SHTN1: variants seen among roughly 807,000 people sequenced by gnomAD.
SHTN1 encodes shootin-1.
In SHTN1, 42 loss-of-function variants were observed where a neutral mutation model predicts 83.1. The observed-to-expected ratio is 0.51, with a 90% CI of 0.39 to 0.65. The LOEUF (loss-of-function observed/expected upper bound fraction) is 0.65. Among genes scored for constraint, SHTN1 ranks in the 30% least tolerant of loss-of-function variants. The pLI is 0.00. For missense variants in SHTN1, 622 were observed against 737.8 expected (o/e 0.84, Z 1.82); for synonymous variants, 224 against 247.7 (o/e 0.90, Z 0.90).
intron 1 of SHTN1, among the ~76,000 whole-genome samples, chr10:117,067,719 G>A (rs1853023168): frequency 6.6e-6 from 1 of 152,166 alleles, no homozygotes; most frequent in South Asian, 2.1e-4. Flanking sequence ...GGAGGTTGTT[G>A]CAGCAATCCA....
rs114521932 is a variant in SHTN1 at position 117,064,264 on chromosome 10, C to T, written c.-188-15754G>A. On this transcript the variant is annotated intron_variant, in intron 1 of 17. Transcript: ENST00000392901. The stretch of plus-strand genomic sequence containing the variant: ...CTGTGATATTGAGACTATCCTTGGG[C>T]TACATTTGCAAAGGTTACAAGGAAC... 2.8e-3 allele frequency among the ~76,000 whole-genome samples: 430 copies of T among 152,316 alleles called. 1 individual carries two copies. Among genetic ancestry groups the T allele is most frequent in the African/African-American group, 9.9e-3 (411 of 41,576 alleles).
At chr10:117,019,540 T>C (rs1370982967) in intron 2 of SHTN1, among the ~76,000 whole-genome samples, 2 of 152,092 alleles carry the variant, frequency 1.3e-5, no homozygotes, top group Non-Finnish European at 1.5e-5. Context: ...TATCTATATA[T>C]TGAAAAAGAA....
At chr10:117,017,123 G>A (rs1377837894) in intron 2 of SHTN1, among the ~76,000 whole-genome samples, 49 of 152,152 alleles carry the variant, frequency 3.2e-4, no homozygotes, top group Non-Finnish European at 4.4e-5. Context: ...AAAAGATGTA[G>A]GGCATGTCAA....
intron 1 of SHTN1, among the ~76,000 whole-genome samples, chr10:117,119,193 G>A (rs992235828): frequency 4.6e-5 from 7 of 152,086 alleles, no homozygotes; most frequent in Non-Finnish European, 7.4e-5. Context: ...GGGAGGGAAG[G>A]ATAAAGAGAA....
intron 14 of SHTN1, among the ~76,000 whole-genome samples, chr10:116,911,337 T>C (rs922802081): frequency 1.3e-5 from 2 of 152,248 alleles, no homozygotes; most frequent in Non-Finnish European, 2.9e-5. Flanking sequence ...AATAATTGTT[T>C]CGACTGTGAG....
chr10:116,969,339 G>A (rs1850517119), intron 2 of SHTN1, among the ~76,000 whole-genome samples: 1 of 152,152 alleles, frequency 6.6e-6, no homozygotes, highest in South Asian at 2.1e-4. Context: ...TACTCGGGAG[G>A]CTGAGGCAGG....
chr10:116,962,772 T>C (rs1850227854), intron 3 of SHTN1, among the ~76,000 whole-genome samples: 1 of 152,216 alleles, frequency 6.6e-6, no homozygotes, highest in Admixed American at 6.5e-5. Context: ...GTGGGGTTTT[T>C]ATTTCTTCTC....
intron 1 of SHTN1, among the ~76,000 whole-genome samples, chr10:117,066,079 A>G (rs1852996779): frequency 2.0e-5 from 3 of 152,080 alleles, no homozygotes; most frequent in Admixed American, 6.5e-5. Context: ...AAAAGAAAAG[A>G]AAAGGAAAAG....
intron 1 of SHTN1, among the ~76,000 whole-genome samples, chr10:117,077,564 C>T (rs972760996): frequency 4.6e-5 from 7 of 151,870 alleles, no homozygotes; most frequent in African/African-American, 1.7e-4. Context: ...TGCCATGTTG[C>T]TGTGCTGCAC....
In SHTN1 at chr10:116,968,821, A is replaced by G. The variant is rs1435985415; in HGVS notation, c.112-109T>C. 158 of 803,836 alleles carry G rather than the reference A, an allele frequency of 2.0e-4. No individual in the cohort carries two copies. The East Asian group carries it at 3.9e-3, about 20-fold the overall frequency. 49.8% of individuals were successfully genotyped at this position (803,836 alleles called of 1,614,324 possible). ...AACAGCAATTTTCTGAAAACAAAAC[A>G]AAATTTAAAACCTTTGAAAAGCATC... On this transcript the variant is annotated intron_variant, in intron 2 of 16. Transcript: ENST00000355371.
At chr10:116,900,575 C>T (rs1847695145) in intron 16 of SHTN1, 1 of 1,534,000 alleles carries the variant, frequency 6.5e-7, no homozygotes. Context: ...AATCTATACA[C>T]ACACACTGAA....
intron 2 of SHTN1, among the ~76,000 whole-genome samples, chr10:117,019,248 A>T (rs1852227676): frequency 6.6e-6 from 1 of 152,058 alleles, no homozygotes; most frequent in African/African-American, 2.4e-5. Flanking sequence ...CTCTGGTGCA[A>T]ACACAGCTCA....
At chr10:116,981,762 T>C (rs550593917) in intron 1 of SHTN1, among the ~76,000 whole-genome samples, 25 of 152,290 alleles carry the variant, frequency 1.6e-4, no homozygotes, top group African/African-American at 5.8e-4. Flanking sequence ...TAAAGGCTTA[T>C]AAAACCATGA....
At chr10:117,093,512 C>A (rs1233335858) in intron 1 of SHTN1, among the ~76,000 whole-genome samples, 2 of 152,148 alleles carry the variant, frequency 1.3e-5, no homozygotes, top group Non-Finnish European at 2.9e-5. Context: ...AAGATCTTGT[C>A]TCAAAAACAC....
At chr10:116,950,739 G>A (rs1053397145) in intron 6 of SHTN1, among the ~76,000 whole-genome samples, 1 of 152,134 alleles carries the variant, frequency 6.6e-6, no homozygotes, top group Non-Finnish European at 1.5e-5. Context: ...GGTACACATT[G>A]TCCAACGGTA....
intron 16 of SHTN1, among the ~76,000 whole-genome samples, chr10:116,888,016 T>G (rs1847218876): frequency 6.6e-6 from 1 of 152,194 alleles, no homozygotes; most frequent in African/African-American, 2.4e-5. Context: ...GTAAGATCTG[T>G]CCAAATGTTT....
intron 1 of SHTN1, among the ~76,000 whole-genome samples, chr10:117,100,592 T>C (rs1251617826): frequency 6.6e-6 from 1 of 152,192 alleles, no homozygotes; most frequent in African/African-American, 2.4e-5. Context: ...CTGCATGTAA[T>C]AATACAGATT....
intron 7 of SHTN1, among the ~76,000 whole-genome samples, chr10:116,947,191 C>T (rs1344155262): frequency 1.3e-5 from 2 of 152,124 alleles, no homozygotes; most frequent in African/African-American, 2.4e-5. Flanking sequence ...TTTCAACATT[C>T]AGTGGCCTAT....
At chr10:116,901,315 A>G (rs1196478164) in intron 16 of SHTN1, 1 of 985,250 alleles carries the variant, frequency 1.0e-6, no homozygotes, top group Non-Finnish European at 1.2e-6. Context: ...TTTTCAGGAT[A>G]GAGCAATATT....
Sources: allele counts gnomAD v4.1 joint callset (sites outside exome capture counted in the v4.1 genomes callset), GRCh38; gene constraint gnomAD v4.1.1; transcripts MANE v1.5; gene names NCBI Gene and HGNC (gene_info 2026-07-23, HGNC 2026-07-21).